The following SHCBP1 variants were observed in gnomAD, a reference collection of about 807,000 sequenced individuals.
SHCBP1 encodes SHC SH2 domain-binding protein 1.
In SHCBP1, 60 loss-of-function variants were observed where a neutral mutation model predicts 75.1. That is an observed-to-expected ratio of 0.80 (90% CI 0.65 to 0.99). The LOEUF (loss-of-function observed/expected upper bound fraction) is 0.99. Ranked by LOEUF, SHCBP1 falls within the 50% of genes least tolerant of loss-of-function variation. The pLI, the probability that SHCBP1 is intolerant of heterozygous loss-of-function variation, is 0.00. For missense variants in SHCBP1, 709 were observed against 809.4 expected, an observed-to-expected ratio of 0.88 and a Z score of 1.50; for synonymous variants, 290 against 293.2, an observed-to-expected ratio of 0.99 and a Z score of 0.11.
Position 46,579,389 on chromosome 16 carries a change from A to G in SHCBP1, c.*2340T>C, listed in dbSNP as rs888027439. ...AAAGTAGGCCTACTCATTATAATGA[A>G]TCATGTGAATAAAAATTAATATAAG... is the stretch of plus-strand genomic sequence containing the variant. On this transcript the variant is annotated 3_prime_UTR_variant, in exon 13 of 13. Coordinates refer to ENST00000303383, the MANE Select transcript of SHCBP1 (RefSeq NM_024745.5). Among the ~76,000 whole-genome samples, 1 of 152,224 alleles carries G rather than the reference A, an allele frequency of 6.6e-6. No individual in the cohort carries two copies. Among genetic ancestry groups the G allele is most frequent in the African/African-American group, 2.4e-5 (1 of 41,444 alleles).
intron 7 of SHCBP1, 45 bp from the exon 8 acceptor site, chr16:46,603,704 A>C (rs564963609): frequency 6.2e-7 from 1 of 1,610,132 alleles, no homozygotes; most frequent in Admixed American, 1.7e-5. Flanking sequence ...ACTCCCAAAA[A>C]AGTAATTTGA....
intron 4 of SHCBP1, among the ~76,000 whole-genome samples, chr16:46,611,757 T>C (rs1965419616): frequency 6.6e-6 from 1 of 152,228 alleles, no homozygotes; most frequent in Non-Finnish European, 1.5e-5. Context: ...CTGAGGACTT[T>C]ATTACAATGC....
intron 9 of SHCBP1, among the ~76,000 whole-genome samples, chr16:46,596,471 C>A (rs992982913): frequency 6.6e-6 from 1 of 152,004 alleles, no homozygotes; most frequent in African/African-American, 2.4e-5. Context: ...CACACCACTG[C>A]ACTCCAGCCT....
In SHCBP1 at chr16:46,593,127, G is replaced by A. The variant is rs907211737; in HGVS notation, c.1464+2425C>T. On this transcript the variant is annotated intron_variant, in intron 10 of 12. Coordinates refer to ENST00000303383, the MANE Select transcript of SHCBP1 (RefSeq NM_024745.5). ...TGGAAATTCTAGCCAGTGCAATAAG[G>A]CAAGGGGGGAAAAAGGCATAAAGAT... Among the ~76,000 whole-genome samples the A allele has an allele frequency of 3.3e-5, 5 of 151,152 alleles. No homozygotes were observed. In the East Asian group the frequency reaches 9.7e-4, roughly 29 times the overall value.
rs1425685842 is a variant in SHCBP1, at chr16:46,608,294, T to C, written c.689+3A>G. ...TACAACAAGGTCAGCAATAAATACT[T>C]ACAATCTTAATCGAGGTTCAACACA... On this transcript the variant is annotated splice_donor_region_variant and intron_variant, in intron 5 of 12. Coordinates refer to ENST00000303383, the MANE Select transcript of SHCBP1 (RefSeq NM_024745.5). The C allele has an allele frequency of 6.2e-7, 1 of 1,606,910 alleles. No individual in the cohort carries two copies. Among genetic ancestry groups the C allele is most frequent in the Non-Finnish European group, 8.5e-7 (1 of 1,173,752 alleles).
chr16:46,616,100 AT>A lies in SHCBP1; in HGVS notation c.441del (p.Tyr148ThrfsTer7), dbSNP rs1441898062. Reference protein sequence around the residue: ...ALKAVVRLAEPYLCDSQVSTF... With the variant: ...ALKAVVRLAEXYLCDSQVSTF... ...GTGCTCACTTGAGAGTCACAGAGGT[AT>A]GGTTCAGCAAGCCTCACCACTGCCT... On this transcript the variant is annotated frameshift_variant, in exon 4 of 13. Coordinates refer to ENST00000303383, the MANE Select transcript of SHCBP1 (RefSeq NM_024745.5). LOFTEE classifies it high-confidence loss of function. This position sits in a 1 kb window ranked among gnomAD's most constrained non-coding sequence, Gnocchi z 4.4. The A allele has an allele frequency of 1.2e-6, 2 of 1,614,222 alleles. No individual in the cohort carries two copies. Among genetic ancestry groups the A allele is most frequent in the South Asian group, 2.2e-5 (2 of 91,086 alleles).
At chr16:46,583,941 G>T in intron 11 of SHCBP1, 62 bp downstream of exon 11, 1 of 1,379,682 alleles carries the variant, frequency 7.2e-7, no homozygotes. Flanking sequence ...ATTTAATAAA[G>T]CATAATTTGT....
Position 46,612,971 on chromosome 16 carries a change from T to C in SHCBP1, c.596+2975A>G, listed in dbSNP as rs375157302. ...ATCCGTCCTCTCTATATCCCCACTC[T>C]AGTCCTCTCTCTTGCGTCTTAACTG... is the stretch of plus-strand genomic sequence containing the variant. On this transcript the variant is annotated intron_variant, in intron 4 of 12. Transcript: ENST00000303383. Among the ~76,000 whole-genome samples, 9 of 152,282 alleles carry C rather than the reference T, an allele frequency of 5.9e-5. No individual in the cohort carries two copies. In the East Asian group the frequency reaches 1.5e-3, roughly 26 times the overall value.
At position 46,581,929 on chromosome 16, in the gene SHCBP1, G is replaced by C. The variant is rs763013061; in HGVS notation, c.1819C>G (p.Gln607Glu). 6.2e-6 allele frequency: 10 copies of C among 1,614,106 alleles called. No individual in the cohort carries two copies. The South Asian group carries it at 1.1e-4, about 18-fold the overall frequency. The change falls in exon 13 of 13, where the codon CAA becomes GAA. Residue 607 changes from glutamine (Q) to glutamate (E), a missense_variant. Coordinates refer to ENST00000303383, the MANE Select transcript of SHCBP1 (RefSeq NM_024745.5). ...ELCARTDPSE[Q>E]VEGNCEIVNE... is the part of the protein sequence containing the mutation. Reference sequence around the variant, plus strand: ...ACAATTTCACAATTTCCCTCGACTTGCTCAGAAGGGTCAGTTCTTGCACAA... The same window carrying C: ...ACAATTTCACAATTTCCCTCGACTTCCTCAGAAGGGTCAGTTCTTGCACAA...
At chr16:46,599,562 G>A (rs186075937) in intron 9 of SHCBP1, among the ~76,000 whole-genome samples, 1 of 147,144 alleles carries the variant, frequency 6.8e-6, no homozygotes, top group African/African-American at 2.5e-5. Flanking sequence ...TATCTATATT[G>A]TGAGAGTTAC....
At chr16:46,605,695 T>G (rs1190604755) in intron 5 of SHCBP1, among the ~76,000 whole-genome samples, 1 of 152,158 alleles carries the variant, frequency 6.6e-6, no homozygotes, top group Non-Finnish European at 1.5e-5. Flanking sequence ...TCCCTGGGGA[T>G]GCTAATGTGT....
At position 46,621,316 on chromosome 16, in the gene SHCBP1, G is replaced by A. The variant is rs140408371; in HGVS notation, c.44C>T (p.Ala15Val). 9.4e-5 allele frequency: 151 copies of A among 1,611,310 alleles called. 1 individual carries two copies. In the African/African-American group the frequency reaches 1.7e-3, roughly 18 times the overall value. The change falls in exon 1 of 13, where the codon GCC (alanine) becomes GTC (valine). Residue 15 changes from alanine to valine, a missense_variant. Transcript: ENST00000303383. ...SLTGGGLEAA[A>V]MAPERMGWAV... Reference sequence around the variant, plus strand: ...CCAGCCCATGCGCTCCGGCGCCATGGCCGCTGCCTCCAGACCGCCGCCCGT... The same window carrying A: ...CCAGCCCATGCGCTCCGGCGCCATGACCGCTGCCTCCAGACCGCCGCCCGT...
intron 4 of SHCBP1, among the ~76,000 whole-genome samples, chr16:46,613,833 A>G (rs1965455663): frequency 6.6e-6 from 1 of 152,202 alleles, no homozygotes. Flanking sequence ...CTGGCACTCA[A>G]ATATTCATTG....
intron 3 of SHCBP1, 85 bp downstream of exon 3, chr16:46,617,549 T>A: frequency 9.9e-7 from 1 of 1,014,508 alleles, no homozygotes; most frequent in Non-Finnish European, 1.5e-6. Context: ...TAAACTTTAA[T>A]TAAAAATAAG....
chr16:46,583,478 TTA>T, intron 12 of SHCBP1, 36 bp downstream of exon 12: 1 of 1,562,160 alleles, frequency 6.4e-7, no homozygotes, highest in Non-Finnish European at 8.6e-7. Context: ...CTGAAATAAA[TTA>T]TGTCTGGTTT....
chr16:46,619,695 T>C (rs1965555820), intron 1 of SHCBP1, among the ~76,000 whole-genome samples: 1 of 152,214 alleles, frequency 6.6e-6, no homozygotes, highest in African/African-American at 2.4e-5. Context: ...TCTTTATAGC[T>C]TTATGGAGGT....
intron 10 of SHCBP1, among the ~76,000 whole-genome samples, chr16:46,588,896 G>T (rs1226180729): frequency 6.6e-6 from 1 of 152,206 alleles, no homozygotes; most frequent in Non-Finnish European, 1.5e-5. Context: ...CAATATGCCT[G>T]ATGAACATCG....
At chr16:46,614,284 C>T (rs1471986208) in intron 4 of SHCBP1, among the ~76,000 whole-genome samples, 6 of 152,132 alleles carry the variant, frequency 3.9e-5, no homozygotes, top group African/African-American at 1.4e-4. Flanking sequence ...TCAGCAAAAC[C>T]ACGTTAACTC....
intron 4 of SHCBP1, among the ~76,000 whole-genome samples, chr16:46,614,714 C>G (rs576850686): frequency 6.6e-6 from 1 of 152,266 alleles, no homozygotes; most frequent in African/African-American, 2.4e-5. Flanking sequence ...TAGCAGTACA[C>G]ACACCATAGT....
Sources: gnomAD v4.1 joint callset for allele counts (sites outside exome capture counted in the v4.1 genomes callset) on GRCh38, gnomAD v4.1.1 for gene constraint, Gnocchi (gnomAD v3.1) non-coding constraint, MANE v1.5 for transcripts, NCBI Gene and HGNC (gene_info 2026-07-23, HGNC 2026-07-21) for gene names.